TMEM132B: variants seen among roughly 807,000 people sequenced by gnomAD.
TMEM132B encodes transmembrane protein 132B.
In TMEM132B, 18 loss-of-function variants were observed where a neutral mutation model predicts 90.8. That is an observed-to-expected ratio of 0.20 (90% CI 0.14 to 0.29). TMEM132B has a LOEUF of 0.29. Among genes scored for constraint, TMEM132B ranks in the 10% least tolerant of loss-of-function variants. TMEM132B has a pLI of 1.00. For synonymous variants in TMEM132B, 504 were observed against 523.3 expected (o/e 0.96, Z 0.50); for missense variants, 1,096 against 1,326.8 (o/e 0.83, Z 2.70).
chr12:125,549,015 G>T (rs112308090), intron 4 of TMEM132B, among the ~76,000 whole-genome samples: 524 of 152,302 alleles, frequency 3.4e-3, no homozygotes, highest in Middle Eastern at 6.8e-3. Context: ...TTGATACTTA[G>T]TCCTATTTAC....
Position 125,654,309 on chromosome 12 carries a change from G to A in TMEM132B, c.2851G>A (p.Val951Ile), listed in dbSNP as rs1435489422. 3 of 1,613,258 alleles carry A rather than the reference G, an allele frequency of 1.9e-6. No individual in the cohort carries two copies. The highest frequency in any genetic ancestry group is 1.7e-5 in the Admixed American group (1 of 60,020). The change falls in exon 9 of 9, where the codon GTC (valine) becomes ATC (isoleucine). Residue 951 changes from valine to isoleucine, a missense_variant. Coordinates refer to ENST00000682704, the MANE Select transcript of TMEM132B (RefSeq NM_001366854.1). This position sits in a 1 kb window ranked among gnomAD's most constrained non-coding sequence, Gnocchi z 5.8. ...QGNIPHSHDW[V>I]WLGNEVELLE... is the part of the protein sequence containing the mutation. ...CAACATCCCCCATTCCCACGACTGGGTCTGGCTTGGGAATGAAGTGGAACT... is the reference window on the plus strand; with the variant it reads ...CAACATCCCCCATTCCCACGACTGGATCTGGCTTGGGAATGAAGTGGAACT...
At chr12:125,619,231 A>G (rs1471761173) in intron 5 of TMEM132B, among the ~76,000 whole-genome samples, 4 of 152,220 alleles carry the variant, frequency 2.6e-5, no homozygotes, top group African/African-American at 9.6e-5. Context: ...GCAAAGAGTC[A>G]GCACCTGGCT....
intron 1 of TMEM132B, among the ~76,000 whole-genome samples, chr12:125,282,517 A>G (rs1351515552): frequency 6.6e-6 from 1 of 152,152 alleles, no homozygotes; most frequent in Non-Finnish European, 1.5e-5. Context: ...ATGGCACCTC[A>G]TGTGGGCACT....
chr12:125,422,009 T>C (rs901990929), intron 3 of TMEM132B, among the ~76,000 whole-genome samples: 4 of 152,222 alleles, frequency 2.6e-5, no homozygotes, highest in Admixed American at 6.5e-5. Flanking sequence ...AATATTTTGT[T>C]GAAAGGTAAA....
intron 3 of TMEM132B, among the ~76,000 whole-genome samples, chr12:125,441,360 G>A (rs1880865007): frequency 6.6e-6 from 1 of 152,084 alleles, no homozygotes; most frequent in Admixed American, 6.5e-5. Context: ...GCAAACAAAA[G>A]GTTTCCAAGT....
Position 125,349,042 on chromosome 12 carries a change from A to G in TMEM132B, c.68-410A>G, listed in dbSNP as rs937838739. Reference sequence around the variant, plus strand: ...TAGAGAGCAGCATAAATATCAAAGTAATAAGGCACTAACGTGTCACATACA... The same window carrying G: ...TAGAGAGCAGCATAAATATCAAAGTGATAAGGCACTAACGTGTCACATACA... On this transcript the variant is annotated intron_variant, in intron 1 of 8. Coordinates refer to ENST00000682704, the MANE Select transcript of TMEM132B (RefSeq NM_001366854.1). The surrounding 1 kb of genome is among the most constrained non-coding windows in gnomAD (Gnocchi z 4.1). Among the ~76,000 whole-genome samples the G allele has an allele frequency of 6.6e-6, 1 of 152,214 alleles. No homozygotes were observed. Among genetic ancestry groups the G allele is most frequent in the Non-Finnish European group, 1.5e-5 (1 of 68,040 alleles).
In TMEM132B at chr12:125,498,922, T is replaced by G. The variant is rs541660764; in HGVS notation, c.1107-20517T>G. ...GAAAGTGACCTGGACCTGTTGGTGA[T>G]AAGCTTGGGAATGCTCAGTTAGCAA... On this transcript the variant is annotated intron_variant, in intron 3 of 8. Transcript: ENST00000682704. The surrounding 1 kb of genome is among the most constrained non-coding windows in gnomAD (Gnocchi z 4.5). 6.6e-6 allele frequency among the ~76,000 whole-genome samples: 1 copy of G among 152,384 alleles called. No homozygotes were observed. The highest frequency in any genetic ancestry group is 6.5e-5 in the Admixed American group (1 of 15,308).
intron 2 of TMEM132B, among the ~76,000 whole-genome samples, chr12:125,387,948 C>T (rs1273235245): frequency 2.0e-5 from 3 of 152,108 alleles, no homozygotes; most frequent in African/African-American, 7.2e-5. Context: ...GAGTCTTTGA[C>T]TAGAAAGGAG....
At chr12:125,281,459 C>G (rs1875172352) in intron 1 of TMEM132B, among the ~76,000 whole-genome samples, 2 of 152,090 alleles carry the variant, frequency 1.3e-5, no homozygotes, top group African/African-American at 4.8e-5. Context: ...GAAAGCCCAC[C>G]CCGGTGGCTT....
At chr12:125,292,217 C>T (rs1419047387) in intron 1 of TMEM132B, among the ~76,000 whole-genome samples, 7 of 152,160 alleles carry the variant, frequency 4.6e-5, no homozygotes, top group Non-Finnish European at 1.0e-4. Context: ...TCTAATTCTC[C>T]TCCCCCTCCC....
chr12:125,197,377 G>A (rs559135830), intron 1 of TMEM132B, among the ~76,000 whole-genome samples: 1 of 152,256 alleles, frequency 6.6e-6, no homozygotes, highest in Non-Finnish European at 1.5e-5. Context: ...CAACTTCCAG[G>A]ACATTTTAGA....
chr12:125,551,468 TTC>T (rs1884226947), intron 4 of TMEM132B, among the ~76,000 whole-genome samples: 1 of 152,246 alleles, frequency 6.6e-6, no homozygotes, highest in South Asian at 2.1e-4. Context: ...CAAAATTTTT[TTC>T]TTAGTCTAGA....
At position 125,246,196 on chromosome 12, in the gene TMEM132B, T is replaced by TC. The variant is rs1206751806; in HGVS notation, c.67+59331dup. 6.6e-6 allele frequency among the ~76,000 whole-genome samples: 1 copy of TC among 152,166 alleles called. No individual in the cohort carries two copies. The highest frequency in any genetic ancestry group is 2.4e-5 in the African/African-American group (1 of 41,442). ...CAGTATTGACTGGACTGGAGGTCGC[T>TC]CTGTGCCGAGGAGAATGTCAAGCCT... is the stretch of plus-strand genomic sequence containing the variant. On this transcript the variant is annotated intron_variant, in intron 1 of 8. Transcript: ENST00000682704. This position sits in a 1 kb window ranked among gnomAD's most constrained non-coding sequence, Gnocchi z 4.2.
chr12:125,418,695 C>T (rs763724286), intron 3 of TMEM132B, among the ~76,000 whole-genome samples: 2 of 152,150 alleles, frequency 1.3e-5, no homozygotes, highest in African/African-American at 2.4e-5. Flanking sequence ...ATATTATGTA[C>T]AAACTGCCTG....
rs543273650 is a variant in TMEM132B, at chr12:125,548,634, T to C, written c.1293+29009T>C. ...CTGGATGTCGTGAGTCCAGGGGACATGGTAAAGATAAGGACAGAGATGTTG... is the reference window on the plus strand; with the variant it reads ...CTGGATGTCGTGAGTCCAGGGGACACGGTAAAGATAAGGACAGAGATGTTG... On this transcript the variant is annotated intron_variant, in intron 4 of 8. Transcript: ENST00000682704. 6.6e-5 allele frequency among the ~76,000 whole-genome samples: 10 copies of C among 152,118 alleles called. No homozygotes were observed. In the South Asian group the frequency reaches 2.1e-3, roughly 31 times the overall value.
intron 3 of TMEM132B, among the ~76,000 whole-genome samples, chr12:125,504,152 C>A (rs1463499808): frequency 6.6e-6 from 1 of 152,078 alleles, no homozygotes; most frequent in Non-Finnish European, 1.5e-5. Context: ...CCTGCAAATC[C>A]CTTCCATTGA....
At chr12:125,488,447 C>G (rs982848965) in intron 3 of TMEM132B, among the ~76,000 whole-genome samples, 5 of 152,124 alleles carry the variant, frequency 3.3e-5, no homozygotes, top group African/African-American at 7.2e-5. Context: ...GTTTGAGGAA[C>G]CTGGTGGGAG....
At chr12:125,360,497 A>G (rs1340922059) in intron 2 of TMEM132B, among the ~76,000 whole-genome samples, 1 of 152,318 alleles carries the variant, frequency 6.6e-6, no homozygotes, top group Non-Finnish European at 1.5e-5. Context: ...TAGACATCAC[A>G]TTAGACATCG....
intron 1 of TMEM132B, among the ~76,000 whole-genome samples, chr12:125,248,104 G>A (rs1221007148): frequency 6.6e-6 from 1 of 152,164 alleles, no homozygotes; most frequent in African/African-American, 2.4e-5. Context: ...TGGAGGTGGT[G>A]ACCAGGAAAG....
Sources: gnomAD v4.1 joint callset for allele counts (sites outside exome capture counted in the v4.1 genomes callset) on GRCh38, gnomAD v4.1.1 for gene constraint, Gnocchi (gnomAD v3.1) non-coding constraint, MANE v1.5 for transcripts, NCBI Gene and HGNC (gene_info 2026-07-23, HGNC 2026-07-21) for gene names.